LTBP4: variants seen among roughly 807,000 people sequenced by gnomAD.
The protein encoded by LTBP4 is latent-transforming growth factor beta-binding protein 4.
A neutral mutation model predicts 180.2 loss-of-function variants in LTBP4; 93 were observed. The ratio of observed to expected loss-of-function variants is 0.52; its 90% CI spans 0.44 to 0.61. LTBP4 has a LOEUF of 0.61. Among genes scored for constraint, LTBP4 ranks in the 20% least tolerant of loss-of-function variants. The pLI is 0.00. For synonymous variants in LTBP4, 947 were observed against 934.5 expected, an observed-to-expected ratio of 1.01 and a Z score of -0.24; for missense variants, 2,116 against 2,256.5, an observed-to-expected ratio of 0.94 and a Z score of 1.26.
At chr19:40,616,112 A>G (rs754818457) in intron 19 of LTBP4, among the ~76,000 whole-genome samples, 1 of 152,040 alleles carries the variant, frequency 6.6e-6, no homozygotes, top group African/African-American at 2.4e-5. Flanking sequence ...CATGCTTTTG[A>G]GAAATGGCAG....
In LTBP4 at chr19:40,611,383, C is replaced by A; in HGVS notation, c.2042C>A (p.Ala681Asp). The A allele has an allele frequency of 6.2e-7, 1 of 1,605,664 alleles. No homozygotes were observed. Among genetic ancestry groups the A allele is most frequent in the Non-Finnish European group, 8.5e-7 (1 of 1,177,500 alleles). ...GGCTTCCGCTCCCGAGGGCCCGGGG[C>A]CCCCTGCCAAGGTGAGGGTGCTGAG... Reference protein sequence around the residue: ...PAGFRSRGPGAPCQDVDECAR... With the variant: ...PAGFRSRGPGDPCQDVDECAR... The change falls in exon 13 of 30, where the codon GCC becomes GAC. Residue 681 changes from alanine to aspartate, a missense_variant. By Grantham distance (126) the Ala-to-Asp change is moderately radical (BLOSUM62 -2). Around this residue, in one of 5 missense-constraint regions of LTBP4, gnomAD observed 877 missense variants for 873.6 expected, o/e 1.00. Transcript: ENST00000396819. The surrounding 1 kb of genome is among the most constrained non-coding windows in gnomAD (Gnocchi z 4.4).
chr19:40,611,109 G>A lies in LTBP4; in HGVS notation c.1811-43G>A. On this transcript the variant is annotated intron_variant, in intron 12 of 29. Coordinates refer to ENST00000396819, the MANE Select transcript of LTBP4 (RefSeq NM_001042545.2). This position sits in a 1 kb window ranked among gnomAD's most constrained non-coding sequence, Gnocchi z 4.4. ...AAGCCAAAGTGACAGAGGTCAGGGAGGCAGAGGGGAACAAGTGACCCCGGG... is the reference window on the plus strand; with the variant it reads ...AAGCCAAAGTGACAGAGGTCAGGGAAGCAGAGGGGAACAAGTGACCCCGGG... The A allele has an allele frequency of 2.5e-6, 4 of 1,608,500 alleles. No homozygotes were observed. The highest frequency in any genetic ancestry group is 3.4e-6 in the Non-Finnish European group (4 of 1,175,486).
chr19:40,602,481 A>C (rs2081431401), intron 1 of LTBP4, among the ~76,000 whole-genome samples: 1 of 151,940 alleles, frequency 6.6e-6, no homozygotes, highest in Non-Finnish European at 1.5e-5. Flanking sequence ...CCTGGAGCGG[A>C]GAACTCGCCC....
rs1309779339 is a variant in LTBP4 at position 40,611,978 on chromosome 19, T to G, written c.2173T>G (p.Cys725Gly). ...CCAACCCAACACTGCTGGCTCCGAG[T>G]GCGAGGGTGAGGCCGGGGAGGGAGG... ...GFQPNTAGSE[C>G]EDVDECENHL... Residue 725 changes from cysteine to glycine, a missense_variant, in exon 14 of 30, where the codon TGC (cysteine) becomes GGC (glycine). Transcript: ENST00000396819. The surrounding 1 kb of genome is among the most constrained non-coding windows in gnomAD (Gnocchi z 4.4). 23 of 1,611,682 alleles carry G rather than the reference T, an allele frequency of 1.4e-5. No homozygotes were observed. Among genetic ancestry groups the G allele is most frequent in the Non-Finnish European group, 2.0e-5 (23 of 1,178,932 alleles).
upstream of LTBP4, among the ~76,000 whole-genome samples, chr19:40,596,431 G>T (rs1436311011): frequency 6.6e-6 from 1 of 152,246 alleles, no homozygotes; most frequent in African/African-American, 2.4e-5. Context: ...AGCATTCAAA[G>T]ACTCAGGCAA....
chr19:40,612,267 C>T, intron 15 of LTBP4, 75 bp downstream of exon 15: 1 of 1,497,960 alleles, frequency 6.7e-7, no homozygotes, highest in Non-Finnish European at 8.9e-7. Context: ...ACAACTATGA[C>T]CTGGCCGTAA....
rs1429140460 is a variant in LTBP4, at chr19:40,607,513, C to T, written c.1140C>T (p.Cys380=). ...GKAWGRGCQL[C]PPFGSEGFRE... is the part of the protein sequence containing the mutation. The stretch of plus-strand genomic sequence containing the variant: ...CCTGGGGCCGGGGCTGCCAGCTCTG[C>T]CCACCCTTCGGCTCAGGTGAGCCCC... Residue 380 remains cysteine, a synonymous_variant, in exon 7 of 30, where the codon TGC becomes TGT. Transcript: ENST00000396819. 1.2e-6 allele frequency: 2 copies of T among 1,610,718 alleles called. No individual in the cohort carries two copies. Among genetic ancestry groups the T allele is most frequent in the Non-Finnish European group, 1.7e-6 (2 of 1,178,864 alleles).
chr19:40,597,008 C>T (rs2081394013), upstream of LTBP4, among the ~76,000 whole-genome samples: 1 of 152,136 alleles, frequency 6.6e-6, no homozygotes, highest in Non-Finnish European at 1.5e-5. Flanking sequence ...TCGAGGTCCC[C>T]CGCGCCCCTA....
chr19:40,593,575 A>T (rs2081376892), intron 1 of LTBP4, among the ~76,000 whole-genome samples: 1 of 151,120 alleles, frequency 6.6e-6, no homozygotes, highest in Admixed American at 6.6e-5. Context: ...ACATGCCAGG[A>T]TATTCAGAAT....
At chr19:40,593,702 A>AT (rs5828072) in intron 1 of LTBP4, among the ~76,000 whole-genome samples, 80,008 of 150,164 alleles carry the variant, frequency 0.53, 21,995 homozygotes, top group African/African-American at 0.68. Context: ...TATTAGAGTC[A>AT]TTTTTTTTTC....
rs1406186477 is a variant in LTBP4, at chr19:40,627,081, T to C, written c.4092T>C (p.Pro1364=). 1 of 1,613,884 alleles carries C rather than the reference T, an allele frequency of 6.2e-7. No homozygotes were observed. Among genetic ancestry groups the C allele is most frequent in the South Asian group, 1.1e-5 (1 of 91,064 alleles). ...PYEYGPDLGP[P]YQGLPYGPEL... is the part of the protein sequence containing the mutation. ...AGTACGGCCCAGACTTAGGTCCACC[T>C]TACCAGGGCCTCCCATATGGGCCTG... is the stretch of plus-strand genomic sequence containing the variant. Residue 1364 remains proline, a synonymous_variant, in exon 28 of 30, where the codon CCT becomes CCC. Transcript: ENST00000396819.
At chr19:40,617,727 G>A (rs187294786) in intron 21 of LTBP4, among the ~76,000 whole-genome samples, 1 of 151,158 alleles carries the variant, frequency 6.6e-6, no homozygotes, top group East Asian at 1.9e-4. Flanking sequence ...TTATTTTTGT[G>A]TGTGTTCTTT....
intron 1 of LTBP4, among the ~76,000 whole-genome samples, chr19:40,604,238 G>A (rs896808147): frequency 9.2e-5 from 14 of 151,994 alleles, no homozygotes; most frequent in Admixed American, 9.2e-4. Flanking sequence ...AGAATCCCGC[G>A]GGTAGAAGGT....
In LTBP4 at chr19:40,616,892, T is replaced by G. The variant is rs760649933; in HGVS notation, c.2816T>G (p.Val939Gly). The change falls in exon 20 of 30, where the codon GTG becomes GGG. Residue 939 changes from valine (V) to glycine (G), a missense_variant. This residue lies in a region of LTBP4 where 877 missense variants were observed against 873.6 expected (regional missense o/e 1.00). Coordinates refer to ENST00000396819, the MANE Select transcript of LTBP4 (RefSeq NM_001042545.2). ...TCATCTCCTCCACACTCTGCAGATG[T>G]GGATGAGTGCCAAGAATATGGTCCC... ...HAGPEGTCDD[V>G]DECQEYGPEI... 2 of 1,613,928 alleles carry G rather than the reference T, an allele frequency of 1.2e-6. No homozygotes were observed. Among genetic ancestry groups the G allele is most frequent in the Admixed American group, 1.7e-5 (1 of 60,022 alleles).
upstream of LTBP4, among the ~76,000 whole-genome samples, chr19:40,600,668 T>C (rs766861644): frequency 6.6e-6 from 1 of 152,180 alleles, no homozygotes; most frequent in Non-Finnish European, 1.5e-5. The surrounding 1 kb of genome is among the most constrained non-coding windows in gnomAD (Gnocchi z 4.4). Context: ...CTCCTCTTGC[T>C]GTAGCCTTCA....
rs374248300 is a variant in LTBP4, at chr19:40,605,170, G to T, written c.386G>T (p.Gly129Val). The change falls in exon 2 of 30, where the codon GGC becomes GTC. Residue 129 changes from glycine (G) to valine (V), a missense_variant. By Grantham distance (109) the Gly-to-Val change is moderately radical. Around this residue, in one of 5 missense-constraint regions of LTBP4, gnomAD observed 469 missense variants for 532.5 expected, o/e 0.88. Transcript: ENST00000396819. The surrounding 1 kb of genome is among the most constrained non-coding windows in gnomAD (Gnocchi z 5.5). ...GARPPAPAVP[G>V]LTRSVYTMPL... Reference sequence around the variant, plus strand: ...CGGCCCCCGGCCCCGGCTGTACCAGGCCTCACCCGCTCCGTGTACACTATG... The same window carrying T: ...CGGCCCCCGGCCCCGGCTGTACCAGTCCTCACCCGCTCCGTGTACACTATG... 9 of 1,610,084 alleles carry T rather than the reference G, an allele frequency of 5.6e-6. No individual in the cohort carries two copies. Among genetic ancestry groups the T allele is most frequent in the Non-Finnish European group, 7.6e-6 (9 of 1,178,516 alleles).
At chr19:40,593,529 C>T (rs2081376682) in intron 1 of LTBP4, among the ~76,000 whole-genome samples, 1 of 151,918 alleles carries the variant, frequency 6.6e-6, no homozygotes, top group Non-Finnish European at 1.5e-5. Flanking sequence ...CAGGTGTGAG[C>T]TACCATGCCC....
Position 40,611,731 on chromosome 19 carries a change from G to A in LTBP4, c.2054-128G>A. The A allele has an allele frequency of 1.4e-6, 2 of 1,394,586 alleles. No homozygotes were observed. Among genetic ancestry groups the A allele is most frequent in the Non-Finnish European group, 9.6e-7 (1 of 1,040,348 alleles). 86.4% of individuals were successfully genotyped at this position (1,394,586 alleles called of 1,614,324 possible). A position where few individuals can be genotyped will look rare whatever the true frequency, so the allele number is the denominator to read the frequency against. On this transcript the variant is annotated intron_variant, in intron 13 of 29. Coordinates refer to ENST00000396819, the MANE Select transcript of LTBP4 (RefSeq NM_001042545.2). The surrounding 1 kb of genome is among the most constrained non-coding windows in gnomAD (Gnocchi z 4.4). ...ACACGAGGAAGGTGTCTGTCTTCCT[G>A]GGAAGAGGGAGCAGCCTGAGGCAAG... is the stretch of plus-strand genomic sequence containing the variant.
intron 1 of LTBP4, among the ~76,000 whole-genome samples, chr19:40,604,075 G>C (rs1037377467): frequency 6.6e-6 from 1 of 152,238 alleles, no homozygotes; most frequent in African/African-American, 2.4e-5. Flanking sequence ...AAGTTGGGCG[G>C]AGACACAGCG....
Sources: allele counts gnomAD v4.1 joint callset (sites outside exome capture counted in the v4.1 genomes callset), GRCh38; gene constraint gnomAD v4.1.1; regional missense constraint gnomAD v4.1.1; non-coding constraint Gnocchi (gnomAD v3.1); transcripts MANE v1.5; gene names NCBI Gene and HGNC (gene_info 2026-07-23, HGNC 2026-07-21).